CDH2: variants seen among roughly 807,000 people sequenced by gnomAD.
CDH2 encodes the protein cadherin-2.
A neutral mutation model predicts 92.0 loss-of-function variants in CDH2; 17 were observed. The ratio of observed to expected loss-of-function variants is 0.18; its 90% CI spans 0.13 to 0.28. The LOEUF is 0.28. Ranked by LOEUF, CDH2 falls within the 10% of genes least tolerant of loss-of-function variation. The pLI, the probability that CDH2 is intolerant of heterozygous loss-of-function variation, is 1.00. For missense variants in CDH2, 862 were observed against 1,133.1 expected, an observed-to-expected ratio of 0.76 and a Z score of 3.44; for synonymous variants, 419 against 415.9, an observed-to-expected ratio of 1.01 and a Z score of -0.09.
At chr18:27,945,642 T>A (rs1246586217) in intron 6 of CDH2, among the ~76,000 whole-genome samples, 1 of 152,126 alleles carries the variant, frequency 6.6e-6, no homozygotes, top group African/African-American at 2.4e-5. Flanking sequence ...CTCTTCTTTT[T>A]AATACCATCA....
chr18:28,156,936 T>C (rs2016228785), intron 1 of CDH2, among the ~76,000 whole-genome samples: 1 of 152,148 alleles, frequency 6.6e-6, no homozygotes, highest in Non-Finnish European at 1.5e-5. Flanking sequence ...CAATCCCACA[T>C]CTCCTCTGCC....
intron 6 of CDH2, among the ~76,000 whole-genome samples, chr18:27,938,204 C>T (rs1043764286): frequency 3.9e-5 from 6 of 152,072 alleles, no homozygotes; most frequent in East Asian, 1.9e-4. Context: ...GAGGCCTCCC[C>T]GGAAGCCAAA....
At chr18:27,994,082 T>C (rs1175400688) in intron 7 of CDH2, among the ~76,000 whole-genome samples, 1 of 152,226 alleles carries the variant, frequency 6.6e-6, no homozygotes, top group East Asian at 1.9e-4. Context: ...ACAAAGTATA[T>C]AAGCTTTCCT....
chr18:27,985,261 G>T (rs914837350), intron 12 of CDH2, 28 bp from the exon 13 acceptor site: 4 of 1,278,218 alleles, frequency 3.1e-6, no homozygotes, highest in Admixed American at 3.5e-5. Flanking sequence ...AACATAGTTT[G>T]ATAGGTAATA....
intron 6 of CDH2, among the ~76,000 whole-genome samples, chr18:27,938,475 ACAT>A (rs934948155): frequency 3.3e-5 from 5 of 152,230 alleles, no homozygotes; most frequent in African/African-American, 1.2e-4. Context: ...CTTATCTCTG[ACAT>A]CAACATTTTA....
chr18:28,143,257 A>T (rs1336326683), intron 2 of CDH2, among the ~76,000 whole-genome samples: 2 of 152,022 alleles, frequency 1.3e-5, no homozygotes, highest in African/African-American at 4.8e-5. Flanking sequence ...TGACATCCAC[A>T]CTAAAAACAG....
chr18:28,010,333 C>G (rs2013059954), intron 4 of CDH2, among the ~76,000 whole-genome samples: 1 of 152,040 alleles, frequency 6.6e-6, no homozygotes, highest in African/African-American at 2.4e-5. Context: ...TATGGTTGAC[C>G]CTGAATGTCA....
chr18:28,124,048 T>C (rs560989405), intron 2 of CDH2, among the ~76,000 whole-genome samples: 3 of 152,266 alleles, frequency 2.0e-5, no homozygotes, highest in South Asian at 2.1e-4. Flanking sequence ...TTTATTTGCA[T>C]GTTTCTAAGC....
intron 6 of CDH2, among the ~76,000 whole-genome samples, chr18:27,945,414 G>T (rs1909247426): frequency 7.8e-6 from 1 of 127,648 alleles, no homozygotes. Context: ...ATATTTGTAT[G>T]ATCTCAAAGT....
In CDH2 at chr18:28,003,131, C is replaced by T. The variant is rs768554447; in HGVS notation, c.886G>A (p.Asp296Asn). 6 of 1,613,658 alleles carry T rather than the reference C, an allele frequency of 3.7e-6. No individual in the cohort carries two copies. The highest frequency in any genetic ancestry group is 1.3e-5 in the African/African-American group (1 of 74,868). The change falls in exon 7 of 16, where the codon GAT becomes AAT. Residue 296 changes from aspartate (D) to asparagine (N), a missense_variant. Asp to Asn is a conservative substitution (Grantham distance 23). Around this residue, in one of 5 missense-constraint regions of CDH2, gnomAD observed 564 missense variants for 722.2 expected, o/e 0.78. Coordinates refer to ENST00000269141, the MANE Select transcript of CDH2 (RefSeq NM_001792.5). The stretch of plus-strand genomic sequence containing the variant: ...AACATCCCATTGAGGGCATTGGGAT[C>T]GTCAGCATCAATTGCTGTTACGGTC... ...VMTVTAIDAD[D>N]PNALNGMLRY...
At chr18:28,029,081 T>C (rs2013628901) in intron 2 of CDH2, among the ~76,000 whole-genome samples, 1 of 152,140 alleles carries the variant, frequency 6.6e-6, no homozygotes, top group African/African-American at 2.4e-5. Context: ...TTTCCAACTT[T>C]TCAAAGAATT....
intron 14 of CDH2, among the ~76,000 whole-genome samples, chr18:27,981,323 T>C (rs1220313840): frequency 6.6e-6 from 1 of 152,170 alleles, no homozygotes; most frequent in East Asian, 1.9e-4. Flanking sequence ...AGTGAAAGGA[T>C]AGATTAATTA....
chr18:28,108,272 C>G (rs1297846244), intron 2 of CDH2, among the ~76,000 whole-genome samples: 1 of 152,160 alleles, frequency 6.6e-6, no homozygotes, highest in Non-Finnish European at 1.5e-5. Flanking sequence ...GGAAAACTCT[C>G]AGTTGCTTAT....
intron 1 of CDH2, among the ~76,000 whole-genome samples, chr18:28,155,569 T>A (rs1055553530): frequency 1.3e-5 from 2 of 152,182 alleles, no homozygotes; most frequent in Middle Eastern, 3.4e-3. Flanking sequence ...ACGTGATTTG[T>A]GGGTTGGGGG....
intron 2 of CDH2, among the ~76,000 whole-genome samples, chr18:28,067,354 G>A (rs610906): frequency 0.54 from 82,067 of 151,922 alleles, 22,970 homozygotes; most frequent in African/African-American, 0.69. Flanking sequence ...CCTCACAGCC[G>A]TCATCTCCCA....
At chr18:27,944,380 TAA>T (rs992497126) in intron 6 of CDH2, among the ~76,000 whole-genome samples, 72 of 152,324 alleles carry the variant, frequency 4.7e-4, no homozygotes, top group African/African-American at 1.4e-3. Flanking sequence ...ATTTCATAAT[TAA>T]GTTAGCCATT....
intron 2 of CDH2, among the ~76,000 whole-genome samples, chr18:28,037,252 C>A (rs2013851897): frequency 6.6e-6 from 1 of 152,078 alleles, no homozygotes; most frequent in African/African-American, 2.4e-5. Flanking sequence ...GCAAACCATG[C>A]CTATACATAA....
intron 2 of CDH2, among the ~76,000 whole-genome samples, chr18:28,107,323 A>G (rs921872017): frequency 1.3e-5 from 2 of 152,002 alleles, no homozygotes; most frequent in African/African-American, 4.8e-5. Context: ...ACCTACCAAT[A>G]CTGTGTTTAA....
chr18:28,050,179 T>C (rs1001126788), intron 2 of CDH2, among the ~76,000 whole-genome samples: 16 of 152,184 alleles, frequency 1.1e-4, no homozygotes, highest in African/African-American at 3.9e-4. Context: ...GGTGGTTTGT[T>C]ATGCAGCATC....
Sources: gnomAD v4.1 joint callset for allele counts (sites outside exome capture counted in the v4.1 genomes callset) on GRCh38, gnomAD v4.1.1 for gene constraint, gnomAD v4.1.1 regional missense constraint, MANE v1.5 for transcripts, NCBI Gene and HGNC (gene_info 2026-07-23, HGNC 2026-07-21) for gene names.